The following TRUB1 variants were observed in gnomAD, a reference collection of about 807,000 sequenced individuals.
TRUB1 encodes the protein TruB pseudouridine synthase family member 1, also known as pseudouridylate synthase TRUB1.
A neutral mutation model predicts 33.9 loss-of-function variants in TRUB1; 23 were observed. That is an observed-to-expected ratio of 0.68 (90% CI 0.49 to 0.96). The LOEUF (loss-of-function observed/expected upper bound fraction) is 0.96, where lower values mean the gene tolerates loss of function less well. Ranked by LOEUF, TRUB1 falls within the 40% of genes least tolerant of loss-of-function variation. The pLI is 0.00. For missense variants in TRUB1, 378 were observed against 422.2 expected, an observed-to-expected ratio of 0.90 and a Z score of 0.92; for synonymous variants, 163 against 165.4, an observed-to-expected ratio of 0.99 and a Z score of 0.11.
chr10:114,941,618 C>T (rs1193194712), intron 1 of TRUB1, among the ~76,000 whole-genome samples: 1 of 152,128 alleles, frequency 6.6e-6, no homozygotes, highest in Non-Finnish European at 1.5e-5. Context: ...GCTGGGATTA[C>T]AGGCATGAGC....
At chr10:114,972,750 A>G (rs987011728) in intron 6 of TRUB1, among the ~76,000 whole-genome samples, 1 of 152,142 alleles carries the variant, frequency 6.6e-6, no homozygotes, top group Non-Finnish European at 1.5e-5. Context: ...ACCACCTATC[A>G]CTTACTATTA....
At chr10:114,949,218 C>T (rs1001412741) in intron 2 of TRUB1, among the ~76,000 whole-genome samples, 2 of 152,102 alleles carry the variant, frequency 1.3e-5, no homozygotes, top group African/African-American at 2.4e-5. Context: ...CTTTGTTTTT[C>T]CATTGGAAGT....
chr10:114,967,508 G>T (rs1023029635), intron 4 of TRUB1, among the ~76,000 whole-genome samples: 2 of 152,038 alleles, frequency 1.3e-5, no homozygotes, highest in Non-Finnish European at 2.9e-5. Flanking sequence ...AAAATTTTAA[G>T]CAAATAATGA....
Position 114,947,412 on chromosome 10 carries a change from A to G in TRUB1, c.386-3682A>G, listed in dbSNP as rs557533507. Among the ~76,000 whole-genome samples, 3 of 152,366 alleles carry G rather than the reference A, an allele frequency of 2.0e-5. No homozygotes were observed. In the South Asian group the frequency reaches 6.2e-4, roughly 32 times the overall value. On this transcript the variant is annotated intron_variant, in intron 2 of 7. Coordinates refer to ENST00000298746, the MANE Select transcript of TRUB1 (RefSeq NM_139169.5). ...ACCTATTTATCATAAATCACTTAAAATGTAAATAAAATTTCTATATACCAT... is the reference window on the plus strand; with the variant it reads ...ACCTATTTATCATAAATCACTTAAAGTGTAAATAAAATTTCTATATACCAT...
In TRUB1 at chr10:114,975,475, C is replaced by CTTT; in HGVS notation, c.*106_*108dup. On this transcript the variant is annotated 3_prime_UTR_variant, in exon 8 of 8. Coordinates refer to ENST00000298746, the MANE Select transcript of TRUB1 (RefSeq NM_139169.5). ...TGCATTCAAAAGACAAACAATATGT[C>CTTT]TTTTTTTTTTTTGCATGAAGAAAAA... 1 of 995,214 alleles carries CTTT rather than the reference C, an allele frequency of 1.0e-6. No homozygotes were observed. The highest frequency in any genetic ancestry group is 1.4e-6 in the Non-Finnish European group (1 of 726,204). The allele number at this position is 995,214 out of a possible 1,614,324, so 61.6% of individuals were successfully genotyped here.
intron 2 of TRUB1, among the ~76,000 whole-genome samples, chr10:114,945,668 G>A (rs1363520424): frequency 6.6e-6 from 1 of 152,068 alleles, no homozygotes; most frequent in Non-Finnish European, 1.5e-5. Context: ...AACATCATGA[G>A]TTTTTTTGTG....
intron 2 of TRUB1, among the ~76,000 whole-genome samples, chr10:114,944,164 C>G (rs1488106197): frequency 6.6e-6 from 1 of 151,892 alleles, no homozygotes; most frequent in Non-Finnish European, 1.5e-5. Context: ...TGCCCCCTTC[C>G]CGACATATGA....
chr10:114,973,363 C>A (rs992994777), intron 6 of TRUB1, among the ~76,000 whole-genome samples: 2 of 152,136 alleles, frequency 1.3e-5, no homozygotes, highest in African/African-American at 4.8e-5. Context: ...GTGTAACGGG[C>A]CAAAAGAGCT....
At chr10:114,955,596 TG>T (rs1356183666) in intron 3 of TRUB1, among the ~76,000 whole-genome samples, 1 of 152,162 alleles carries the variant, frequency 6.6e-6, no homozygotes, top group Non-Finnish European at 1.5e-5. Flanking sequence ...TTGGAGTGAA[TG>T]AAGTTTCCCC....
intron 4 of TRUB1, among the ~76,000 whole-genome samples, chr10:114,964,438 T>C (rs2084298024): frequency 6.6e-6 from 1 of 152,288 alleles, no homozygotes; most frequent in African/African-American, 2.4e-5. Context: ...TATGTTCTCT[T>C]CTTTTGCCTA....
chr10:114,949,662 G>A (rs926624668), intron 2 of TRUB1, among the ~76,000 whole-genome samples: 3 of 152,050 alleles, frequency 2.0e-5, no homozygotes, highest in Non-Finnish European at 4.4e-5. Flanking sequence ...GAAGAGGAAG[G>A]GATAGGATGT....
chr10:114,970,243 A>G lies in TRUB1; in HGVS notation c.524-125A>G. On this transcript the variant is annotated intron_variant, in intron 4 of 7. Coordinates refer to ENST00000298746, the MANE Select transcript of TRUB1 (RefSeq NM_139169.5). ...TAACAAGGTAGAATTTTGGCTATAA[A>G]ACATATACTGTAATATATGCTTTTG... 4.9e-6 allele frequency: 3 copies of G among 606,630 alleles called. No homozygotes were observed. In the South Asian group the frequency reaches 8.2e-5, roughly 17 times the overall value. 37.6% of individuals were successfully genotyped at this position (606,630 alleles called of 1,614,324 possible). A position where few individuals can be genotyped will look rare whatever the true frequency, so the allele number is the denominator to read the frequency against.
chr10:114,964,969 C>T (rs1285973697), intron 4 of TRUB1, among the ~76,000 whole-genome samples: 2 of 133,078 alleles, frequency 1.5e-5, no homozygotes, highest in Non-Finnish European at 1.5e-5. Flanking sequence ...CTTGCTCTGT[C>T]GCCAGGCTGG....
chr10:114,944,000 CTTTTTTTTTTTTTT>C (rs573847481), intron 2 of TRUB1, among the ~76,000 whole-genome samples: 5 of 101,544 alleles, frequency 4.9e-5, no homozygotes, highest in African/African-American at 2.1e-4. Flanking sequence ...TTTATTCCAT[CTTTTTTTTTTTTTT>C]TTTTTTTTGC....
In TRUB1 at chr10:114,975,342, A is replaced by C. The variant is rs977775342; in HGVS notation, c.1013A>C (p.Glu338Ala). 16 of 1,598,020 alleles carry C rather than the reference A, an allele frequency of 1.0e-5. No individual in the cohort carries two copies. Among genetic ancestry groups the C allele is most frequent in the Non-Finnish European group, 1.3e-5 (15 of 1,171,136 alleles). ...VLSCEYITLN[E>A]PKREDDVIKT... Reference sequence around the variant, plus strand: ...AGCTGTGAATATATAACTCTAAATGAGCCAAAGAGAGAAGATGATGTAATT... The same window carrying C: ...AGCTGTGAATATATAACTCTAAATGCGCCAAAGAGAGAAGATGATGTAATT... The change falls in exon 8 of 8, where the codon GAG becomes GCG. Residue 338 changes from glutamate to alanine, a missense_variant. By Grantham distance (107) the Glu-to-Ala change is moderately radical. Transcript: ENST00000298746.
chr10:114,947,437 T>C (rs1039129706), intron 2 of TRUB1, among the ~76,000 whole-genome samples: 1 of 152,198 alleles, frequency 6.6e-6, no homozygotes, highest in African/African-American at 2.4e-5. Flanking sequence ...CTATATACCA[T>C]TTCAAAAAAA....
chr10:114,943,962 C>T (rs962248617), intron 2 of TRUB1, among the ~76,000 whole-genome samples: 27 of 147,684 alleles, frequency 1.8e-4, no homozygotes, highest in Non-Finnish European at 4.5e-5. Context: ...TAGAATTGAT[C>T]GAAGGGAATA....
At chr10:114,950,268 T>C (rs1467324595) in intron 2 of TRUB1, among the ~76,000 whole-genome samples, 1 of 152,236 alleles carries the variant, frequency 6.6e-6, no homozygotes, top group Non-Finnish European at 1.5e-5. Context: ...TGATACATGG[T>C]AAACTCACTG....
intron 1 of TRUB1, among the ~76,000 whole-genome samples, chr10:114,942,065 T>C (rs2084190004): frequency 6.6e-6 from 1 of 152,170 alleles, no homozygotes; most frequent in African/African-American, 2.4e-5. Context: ...ATTACAGGTG[T>C]GAGCCACAGC....
Sources: gnomAD v4.1 joint callset for allele counts (sites outside exome capture counted in the v4.1 genomes callset) on GRCh38, gnomAD v4.1.1 for gene constraint, MANE v1.5 for transcripts, NCBI Gene and HGNC (gene_info 2026-07-23, HGNC 2026-07-21) for gene names.